The following NFX1 variants were observed in gnomAD, a reference collection of about 807,000 sequenced individuals.
NFX1 encodes the protein nuclear transcription factor, X-box binding 1.
A neutral mutation model predicts 137.2 loss-of-function variants in NFX1; 69 were observed. That is an observed-to-expected ratio of 0.50 (90% CI 0.41 to 0.61). NFX1 has a LOEUF of 0.61. NFX1 is among the 20% of genes least tolerant of loss of function. NFX1 has a pLI of 0.00. For missense variants in NFX1, 1,167 were observed against 1,391.0 expected, an observed-to-expected ratio of 0.84 and a Z score of 2.56; for synonymous variants, 495 against 474.1, an observed-to-expected ratio of 1.04 and a Z score of -0.57.
At chr9:33,315,422 A>G (rs1444415001) in intron 7 of NFX1, among the ~76,000 whole-genome samples, 1 of 152,080 alleles carries the variant, frequency 6.6e-6, no homozygotes, top group Non-Finnish European at 1.5e-5. Context: ...TTGAGCCAAA[A>G]TCTGCTTCCC....
At chr9:33,356,102 T>C (rs1013072654) in intron 19 of NFX1, among the ~76,000 whole-genome samples, 2 of 152,252 alleles carry the variant, frequency 1.3e-5, no homozygotes, top group African/African-American at 4.8e-5. Flanking sequence ...TCCCACCAGC[T>C]AAGGATAATT....
At chr9:33,338,385 T>C in intron 11 of NFX1, 125 bp from the exon 12 acceptor site, 2 of 880,470 alleles carry the variant, frequency 2.3e-6, no homozygotes, top group Non-Finnish European at 3.5e-6. Context: ...AAAAACTGCA[T>C]TTACATTATT....
At chr9:33,310,228 G>A (rs1220439382) in intron 5 of NFX1, among the ~76,000 whole-genome samples, 2 of 152,132 alleles carry the variant, frequency 1.3e-5, no homozygotes, top group Non-Finnish European at 2.9e-5. Context: ...AGCAAATTCT[G>A]TTACCCATCT....
At chr9:33,361,784 T>C (rs1823999100) in intron 19 of NFX1, among the ~76,000 whole-genome samples, 2 of 145,620 alleles carry the variant, frequency 1.4e-5, no homozygotes, top group Admixed American at 6.9e-5. Context: ...AGAGCAAGAC[T>C]CCATCTCCAA....
chr9:33,323,340 T>G (rs1243043774), intron 9 of NFX1, among the ~76,000 whole-genome samples: 1 of 152,032 alleles, frequency 6.6e-6, no homozygotes, highest in Non-Finnish European at 1.5e-5. Flanking sequence ...ATGTCTAGTT[T>G]CCAAGAAAAA....
intron 6 of NFX1, 152 bp from the exon 7 acceptor site, chr9:33,313,502 T>C: frequency 1.6e-6 from 1 of 620,700 alleles, no homozygotes; most frequent in South Asian, 2.3e-5. Context: ...AAATAAGAAT[T>C]GGAGGAGGGA....
intron 12 of NFX1, among the ~76,000 whole-genome samples, chr9:33,339,557 G>A (rs752656128): frequency 6.6e-6 from 1 of 152,134 alleles, no homozygotes; most frequent in Non-Finnish European, 1.5e-5. Flanking sequence ...CAAATTTCAT[G>A]TCCTCACATT....
At chr9:33,309,084 G>A (rs1353949433) in intron 5 of NFX1, among the ~76,000 whole-genome samples, 3 of 152,156 alleles carry the variant, frequency 2.0e-5, no homozygotes, top group South Asian at 2.1e-4. Flanking sequence ...CTGGCTGGGC[G>A]CGGTGGCTCA....
chr9:33,323,561 T>C (rs1822464278), intron 9 of NFX1, among the ~76,000 whole-genome samples: 2 of 151,954 alleles, frequency 1.3e-5, no homozygotes. Flanking sequence ...AAGACCAGCC[T>C]GGCCGACATG....
At position 33,331,694 on chromosome 9, in the gene NFX1, C is replaced by CTTT. The variant is rs35980358; in HGVS notation, c.2005-765_2005-763dup. 2.3e-3 allele frequency among the ~76,000 whole-genome samples: 301 copies of CTTT among 132,794 alleles called. 2 individuals are homozygous for CTTT. The highest frequency in any genetic ancestry group is 0.019 in the East Asian group (89 of 4,634). 87.1% of individuals were successfully genotyped at this position (132,794 alleles called of 152,430 possible). A position where few individuals can be genotyped will look rare whatever the true frequency, so the allele number is the denominator to read the frequency against. On this transcript the variant is annotated intron_variant, in intron 10 of 23. Transcript: ENST00000379540. The stretch of plus-strand genomic sequence containing the variant: ...CATCTGTTATCAACTTCAGTAGCTG[C>CTTT]TTTTTTTTTTTTTTTCAGGATAATT...
intron 21 of NFX1, 145 bp from the exon 22 acceptor site, chr9:33,366,484 C>A: frequency 1.1e-6 from 1 of 915,366 alleles, no homozygotes; most frequent in South Asian, 1.7e-5. Flanking sequence ...TCCAGGCTTG[C>A]TTGGCAGTTA....
At chr9:33,307,406 T>TA in intron 5 of NFX1, 107 bp downstream of exon 5, 1 of 896,444 alleles carries the variant, frequency 1.1e-6, no homozygotes. Context: ...TGAAGGGTGA[T>TA]ATGGGACCTC....
chr9:33,304,835 C>A (rs1821696142), intron 4 of NFX1, among the ~76,000 whole-genome samples: 1 of 152,114 alleles, frequency 6.6e-6, no homozygotes, highest in African/African-American at 2.4e-5. Flanking sequence ...GAAATTTGGG[C>A]AAATAGGACA....
chr9:33,326,325 A>C (rs1463955477), intron 9 of NFX1, among the ~76,000 whole-genome samples: 1 of 151,338 alleles, frequency 6.6e-6, no homozygotes, highest in Non-Finnish European at 1.5e-5. Context: ...AGGCACAAAA[A>C]TTGTTTGAAT....
chr9:33,364,910 C>T (rs1824126294), intron 21 of NFX1, 136 bp downstream of exon 21: 1 of 1,483,268 alleles, frequency 6.7e-7, no homozygotes, highest in Admixed American at 2.4e-5. Context: ...GGATCCTTAT[C>T]TTTCTCAAAA....
intron 19 of NFX1, among the ~76,000 whole-genome samples, chr9:33,361,342 A>G (rs1017515390): frequency 5.9e-5 from 9 of 151,796 alleles, no homozygotes; most frequent in African/African-American, 2.2e-4. Context: ...AATGGTATAT[A>G]TTTATGGTAA....
chr9:33,327,115 G>A lies in NFX1; in HGVS notation c.1907-1466G>A, dbSNP rs549783872. Among the ~76,000 whole-genome samples, 527 of 152,280 alleles carry A rather than the reference G, an allele frequency of 3.5e-3. 6 individuals carry two copies. The highest frequency in any genetic ancestry group is 2.9e-3 in the Non-Finnish European group (196 of 68,012). ...ATGAGACTTACAGAAAACTAAAAAA[G>A]ACGAACATAAATCCAGCTATAACAG... On this transcript the variant is annotated intron_variant, in intron 9 of 23. Transcript: ENST00000379540.
chr9:33,316,208 G>A (rs1281835233), intron 7 of NFX1, among the ~76,000 whole-genome samples: 1 of 152,080 alleles, frequency 6.6e-6, no homozygotes, highest in Non-Finnish European at 1.5e-5. Flanking sequence ...CTCTTCAAGA[G>A]AATGAAGAGT....
chr9:33,355,302 C>T (rs1006159301), intron 19 of NFX1, among the ~76,000 whole-genome samples: 3 of 152,168 alleles, frequency 2.0e-5, no homozygotes, highest in Admixed American at 1.3e-4. Context: ...TCATTTGTGT[C>T]ACTAAATGAA....
Sources: gnomAD v4.1 joint callset for allele counts (sites outside exome capture counted in the v4.1 genomes callset) on GRCh38, gnomAD v4.1.1 for gene constraint, MANE v1.5 for transcripts, NCBI Gene and HGNC (gene_info 2026-07-23, HGNC 2026-07-21) for gene names.